Variants in LOC128462377 observed in about 807,000 individuals in gnomAD.
the LOC128462377 span, among the ~76,000 whole-genome samples, chr16:89,416,334 C>A: frequency 6.6e-6 from 1 of 151,976 alleles, no homozygotes; most frequent in African/African-American, 2.4e-5. Flanking sequence ...GAGTCTTGCT[C>A]TGTCGCCCAG....
At chr16:89,321,277 C>G in the LOC128462377 span, 1 of 152,358 alleles carries the variant, frequency 6.6e-6, no homozygotes, top group Admixed American at 6.5e-5. Context: ...GTCTCTTCAG[C>G]TGACAAGAGC....
chr16:89,342,287 G>A, the LOC128462377 span, among the ~76,000 whole-genome samples: 7 of 152,272 alleles, frequency 4.6e-5, no homozygotes, highest in South Asian at 2.1e-4. Context: ...GAATGAGAGC[G>A]GCAGCCCAGG....
the LOC128462377 span, among the ~76,000 whole-genome samples, chr16:89,329,772 GC>G: frequency 6.6e-6 from 1 of 152,078 alleles, no homozygotes; most frequent in Admixed American, 6.5e-5. Context: ...AGTCTGGGAG[GC>G]CCAGGCAGGC....
the LOC128462377 span, among the ~76,000 whole-genome samples, chr16:89,409,990 C>T: frequency 6.6e-6 from 1 of 152,138 alleles, no homozygotes; most frequent in Non-Finnish European, 1.5e-5. Flanking sequence ...CAGGCGCCCG[C>T]CACCACGCCC....
the LOC128462377 span, among the ~76,000 whole-genome samples, chr16:89,347,931 T>C: frequency 1.3e-5 from 2 of 151,834 alleles, no homozygotes; most frequent in African/African-American, 4.8e-5. Context: ...TGAATAGGTA[T>C]GGGATTTTGT....
the LOC128462377 span, among the ~76,000 whole-genome samples, chr16:89,370,198 A>G: frequency 6.6e-6 from 1 of 152,172 alleles, no homozygotes; most frequent in Non-Finnish European, 1.5e-5. Context: ...GCTGGGGTGG[A>G]GCTGCTTCTT....
chr16:89,371,939 G>A, the LOC128462377 span, among the ~76,000 whole-genome samples: 1 of 152,190 alleles, frequency 6.6e-6, no homozygotes, highest in African/African-American at 2.4e-5. Context: ...CAGAACAGGA[G>A]GCTGCTCCAT....
chr16:89,326,373 C>G, the LOC128462377 span, among the ~76,000 whole-genome samples: 1 of 151,868 alleles, frequency 6.6e-6, no homozygotes, highest in Non-Finnish European at 1.5e-5. Flanking sequence ...GGGGACGCAG[C>G]CACCGCCCCC....
chr16:89,332,968 C>G, the LOC128462377 span, among the ~76,000 whole-genome samples: 1 of 152,252 alleles, frequency 6.6e-6, no homozygotes, highest in Non-Finnish European at 1.5e-5. Context: ...CGGGGCTGCT[C>G]CACGCTTCTC....
the LOC128462377 span, among the ~76,000 whole-genome samples, chr16:89,380,073 A>G: frequency 6.6e-6 from 1 of 152,150 alleles, no homozygotes; most frequent in African/African-American, 2.4e-5. Context: ...TTCACTATGG[A>G]AAGATGTTAT....
At chr16:89,350,621 C>A in the LOC128462377 span, among the ~76,000 whole-genome samples, 1 of 152,294 alleles carries the variant, frequency 6.6e-6, no homozygotes, top group East Asian at 1.9e-4. Context: ...AGCACATCAG[C>A]ATCCTGGGTC....
At chr16:89,394,306 C>G in the LOC128462377 span, among the ~76,000 whole-genome samples, 1 of 152,212 alleles carries the variant, frequency 6.6e-6, no homozygotes, top group Non-Finnish European at 1.5e-5. Context: ...CCACACTGCT[C>G]TCACTCATCA....
the LOC128462377 span, among the ~76,000 whole-genome samples, chr16:89,333,330 A>C: frequency 6.6e-6 from 1 of 152,186 alleles, no homozygotes; most frequent in South Asian, 2.1e-4. Context: ...TCCCCACGAG[A>C]GTGGCCGTTT....
the LOC128462377 span, among the ~76,000 whole-genome samples, chr16:89,348,645 C>T: frequency 6.6e-6 from 1 of 152,152 alleles, no homozygotes; most frequent in Non-Finnish European, 1.5e-5. Flanking sequence ...ACTATTTAAG[C>T]TATCTATTTC....
At chr16:89,319,803 G>C in the LOC128462377 span, among the ~76,000 whole-genome samples, 1 of 152,242 alleles carries the variant, frequency 6.6e-6, no homozygotes, top group Non-Finnish European at 1.5e-5. Context: ...GCCCACTCTA[G>C]AGTCTTTTTC....
chr16:89,383,812 G>C, the LOC128462377 span, among the ~76,000 whole-genome samples: 1 of 152,172 alleles, frequency 6.6e-6, no homozygotes, highest in Non-Finnish European at 1.5e-5. Context: ...AGCACCCAGA[G>C]GGCAAAGGTG....
chr16:89,396,437 C>T, the LOC128462377 span, among the ~76,000 whole-genome samples: 1 of 152,156 alleles, frequency 6.6e-6, no homozygotes, highest in Admixed American at 6.5e-5. Flanking sequence ...GAAACGCTCA[C>T]AGCACAAACA....
chr16:89,397,260 AC>A, the LOC128462377 span, among the ~76,000 whole-genome samples: 1 of 152,092 alleles, frequency 6.6e-6, no homozygotes, highest in African/African-American at 2.4e-5. Context: ...CAAGGCATCC[AC>A]CTCCAGGACA....
the LOC128462377 span, among the ~76,000 whole-genome samples, chr16:89,317,239 C>A: frequency 6.6e-6 from 1 of 152,204 alleles, no homozygotes; most frequent in Non-Finnish European, 1.5e-5. Flanking sequence ...TCTCAGGATA[C>A]GCCTCCCATA....
Sources: allele counts gnomAD v4.1 joint callset (sites outside exome capture counted in the v4.1 genomes callset), GRCh38; gene constraint gnomAD v4.1.1; transcripts MANE v1.5.